UGGT2: variants seen among roughly 807,000 people sequenced by gnomAD.
UGGT2 encodes UDP-glucose glycoprotein glucosyltransferase 2.
UGGT2 carries 180 observed loss-of-function variants against 192.1 expected under a neutral mutation model. The observed-to-expected ratio is 0.94, with a 90% CI of 0.83 to 1.06. The LOEUF is 1.06. Ranked by LOEUF, UGGT2 falls within the 50% of genes least tolerant of loss-of-function variation. The probability of loss-of-function intolerance (pLI) is 0.00; values close to 1 mark genes in which losing one functional copy is unlikely to be tolerated. For missense variants in UGGT2, 1,849 were observed against 1,795.7 expected, an observed-to-expected ratio of 1.03 and a Z score of -0.54; for synonymous variants, 580 against 591.0, an observed-to-expected ratio of 0.98 and a Z score of 0.27.
chr13:95,965,149 TA>T (rs1309816131), intron 12 of UGGT2, among the ~76,000 whole-genome samples: 1 of 151,206 alleles, frequency 6.6e-6, no homozygotes, highest in Non-Finnish European at 1.5e-5. Context: ...GGTGGGACTG[TA>T]AACTAGTTCA....
rs990610581 is a variant in UGGT2, at chr13:95,859,765, A to G, written c.3741-90T>C. On this transcript the variant is annotated intron_variant, in intron 32 of 38. Coordinates refer to ENST00000376747, the MANE Select transcript of UGGT2 (RefSeq NM_020121.4). The stretch of plus-strand genomic sequence containing the variant: ...ACCTTGAAGTGTTTTTTAAAATTTA[A>G]TTTTAATTTCTTAAATTTTACTTTA... 14 of 969,786 alleles carry G rather than the reference A, an allele frequency of 1.4e-5. No homozygotes were observed. In the Admixed American group the frequency reaches 4.2e-4, roughly 29 times the overall value. The allele number at this position is 969,786 out of a possible 1,614,324, so 60.1% of individuals were successfully genotyped here. A position where few individuals can be genotyped will look rare whatever the true frequency, so the allele number is the denominator to read the frequency against.
At chr13:95,841,022 G>A (rs1189040614) in intron 36 of UGGT2, among the ~76,000 whole-genome samples, 2 of 152,066 alleles carry the variant, frequency 1.3e-5, no homozygotes, top group Non-Finnish European at 2.9e-5. Context: ...GACACAGGGA[G>A]GGGAACATCA....
intron 29 of UGGT2, among the ~76,000 whole-genome samples, chr13:95,873,624 A>G (rs1891412892): frequency 6.6e-6 from 1 of 152,074 alleles, no homozygotes; most frequent in Admixed American, 6.5e-5. Flanking sequence ...ACTCCTCTTC[A>G]TTCTTGCCTG....
At chr13:95,804,695 AAC>A (rs756269856) in intron 38 of UGGT2, among the ~76,000 whole-genome samples, 3 of 152,180 alleles carry the variant, frequency 2.0e-5, no homozygotes, top group Non-Finnish European at 4.4e-5. Flanking sequence ...GTGGGAAAAT[AAC>A]AGTCTCTTTC....
intron 7 of UGGT2, among the ~76,000 whole-genome samples, chr13:95,993,439 C>T (rs934729805): frequency 2.0e-5 from 3 of 151,976 alleles, no homozygotes; most frequent in Non-Finnish European, 4.4e-5. Flanking sequence ...GCCCAGTGTT[C>T]CACGTGATCT....
rs756374644 is a variant in UGGT2, at chr13:95,999,221, G to C, written c.747C>G (p.Thr249=). 7.4e-6 allele frequency: 12 copies of C among 1,612,562 alleles called. No homozygotes were observed. The highest frequency in any genetic ancestry group is 1.3e-5 in the African/African-American group (1 of 74,936). Residue 249 remains threonine (T), a synonymous_variant, in exon 6 of 39, where the codon ACC becomes ACG. Coordinates refer to ENST00000376747, the MANE Select transcript of UGGT2 (RefSeq NM_020121.4). ...AGATAGAGAACTTACTTTTAACTTG[G>C]GTATCATCCAGTGCTTTGTATTCTG... is the stretch of plus-strand genomic sequence containing the variant. ...KSTEYKALDD[T]QVKTVTNTTV...
At position 96,050,587 on chromosome 13, in the gene UGGT2, C is replaced by A. The variant is rs530583872; in HGVS notation, c.158+2568G>T. On this transcript the variant is annotated intron_variant, in intron 1 of 38. Transcript: ENST00000376747. Reference sequence around the variant, plus strand: ...AATTTTTGCAATCTACCCATCTGACCAAGGGCTAATATCCAGAATCTACAA... The same window carrying A: ...AATTTTTGCAATCTACCCATCTGACAAAGGGCTAATATCCAGAATCTACAA... Among the ~76,000 whole-genome samples, 138 of 151,926 alleles carry A rather than the reference C, an allele frequency of 9.1e-4. 12 individuals are homozygous for A. Among genetic ancestry groups the A allele is most frequent in the Non-Finnish European group, 2.6e-4 (18 of 67,934 alleles).
chr13:95,983,688 T>C (rs1159183017), intron 10 of UGGT2, 116 bp downstream of exon 10: 1 of 811,064 alleles, frequency 1.2e-6, no homozygotes, highest in Non-Finnish European at 2.0e-6. Flanking sequence ...CAGACTGTTT[T>C]AATAATCAAA....
chr13:95,980,987 G>A (rs1386704415), intron 10 of UGGT2, among the ~76,000 whole-genome samples: 2 of 152,182 alleles, frequency 1.3e-5, no homozygotes, highest in Admixed American at 1.3e-4. Flanking sequence ...GACAGAGCAA[G>A]ACTCCATCTC....
At chr13:95,922,444 C>T (rs528716622) in intron 20 of UGGT2, among the ~76,000 whole-genome samples, 1 of 135,940 alleles carries the variant, frequency 7.4e-6, no homozygotes, top group South Asian at 2.3e-4. Flanking sequence ...CCACATGTAC[C>T]CCTGGAATCA....
At chr13:96,019,599 T>C (rs1393847069) in intron 4 of UGGT2, among the ~76,000 whole-genome samples, 2 of 152,274 alleles carry the variant, frequency 1.3e-5, no homozygotes, top group Middle Eastern at 3.4e-3. Context: ...CTATAATATG[T>C]ACATCTAAAG....
chr13:95,924,050 A>G (rs2048935381), intron 20 of UGGT2, among the ~76,000 whole-genome samples: 1 of 152,212 alleles, frequency 6.6e-6, no homozygotes, highest in African/African-American at 2.4e-5. Flanking sequence ...AACAGATAGC[A>G]TTTTGGGATC....
chr13:95,808,025 C>T (rs1884405076), intron 38 of UGGT2, among the ~76,000 whole-genome samples: 1 of 152,040 alleles, frequency 6.6e-6, no homozygotes, highest in Non-Finnish European at 1.5e-5. Flanking sequence ...GGCTGAATTA[C>T]AGATGTTGAG....
chr13:96,050,821 G>C (rs551754597), intron 1 of UGGT2, among the ~76,000 whole-genome samples: 1 of 152,282 alleles, frequency 6.6e-6, no homozygotes, highest in East Asian at 1.9e-4. Flanking sequence ...TCATTAAAAA[G>C]TCAGGAAACA....
chr13:95,911,462 C>T lies in UGGT2; in HGVS notation c.2296-8402G>A, dbSNP rs1278566957. Among the ~76,000 whole-genome samples the T allele has an allele frequency of 4.3e-4, 65 of 152,038 alleles. 1 individual carries two copies. Among genetic ancestry groups the T allele is most frequent in the Admixed American group, 2.6e-3 (39 of 15,256 alleles). On this transcript the variant is annotated intron_variant, in intron 20 of 38. Coordinates refer to ENST00000376747, the MANE Select transcript of UGGT2 (RefSeq NM_020121.4). ...TCAGAGAATACTATAAACACCTCTACGCAAATAAACTAGAAAATCTAGAAG... is the reference window on the plus strand; with the variant it reads ...TCAGAGAATACTATAAACACCTCTATGCAAATAAACTAGAAAATCTAGAAG...
At chr13:95,982,774 C>T (rs1175835680) in intron 10 of UGGT2, among the ~76,000 whole-genome samples, 1 of 152,114 alleles carries the variant, frequency 6.6e-6, no homozygotes, top group African/African-American at 2.4e-5. Flanking sequence ...CAATTAGGAA[C>T]ATCATAGAAT....
intron 8 of UGGT2, chr13:95,989,545 T>C: frequency 5.0e-6 from 2 of 396,488 alleles, no homozygotes; most frequent in South Asian, 3.7e-5. Flanking sequence ...TGTCCTCCAT[T>C]TGATGTTTCC....
intron 1 of UGGT2, among the ~76,000 whole-genome samples, chr13:96,041,078 G>A (rs2053151346): frequency 6.6e-6 from 1 of 152,148 alleles, no homozygotes; most frequent in Non-Finnish European, 1.5e-5. Flanking sequence ...AACTGCTGCA[G>A]GAATAAATTA....
chr13:95,846,261 A>C (rs1439776902), intron 36 of UGGT2, among the ~76,000 whole-genome samples: 5 of 152,120 alleles, frequency 3.3e-5, no homozygotes, highest in African/African-American at 1.2e-4. Context: ...CGTCTCCACC[A>C]AAAAAATATG....
Sources: gnomAD v4.1 joint callset for allele counts (sites outside exome capture counted in the v4.1 genomes callset) on GRCh38, gnomAD v4.1.1 for gene constraint, MANE v1.5 for transcripts, NCBI Gene and HGNC (gene_info 2026-07-23, HGNC 2026-07-21) for gene names.